The following DMBX1 variants were observed in gnomAD, a reference collection of about 807,000 sequenced individuals.
The protein encoded by DMBX1 is diencephalon/mesencephalon homeobox protein 1.
In DMBX1, 7 loss-of-function variants were observed where a neutral mutation model predicts 30.4. That is an observed-to-expected ratio of 0.23 (90% confidence interval 0.13 to 0.43). DMBX1 has a LOEUF of 0.43. Ranked by LOEUF, DMBX1 falls within the 20% of genes least tolerant of loss-of-function variation. The pLI is 1.00. For synonymous variants in DMBX1, 222 were observed against 214.2 expected (o/e 1.04, Z -0.32); for missense variants, 460 against 508.5 (o/e 0.90, Z 0.92).
chr1:46,497,925 G>A (rs1666054763), intron 2 of DMBX1, among the ~76,000 whole-genome samples: 1 of 152,238 alleles, frequency 6.6e-6, no homozygotes, highest in Non-Finnish European at 1.5e-5. Flanking sequence ...GGCTCGCCAG[G>A]AATTGCGGGG....
At chr1:46,508,096 A>T (rs1169551392) in intron 3 of DMBX1, among the ~76,000 whole-genome samples, 1 of 151,866 alleles carries the variant, frequency 6.6e-6, no homozygotes, top group Non-Finnish European at 1.5e-5. Flanking sequence ...ATGTCCTGGG[A>T]GGTGGTGCCA....
At chr1:46,495,461 G>C (rs1249940391) in intron 2 of DMBX1, among the ~76,000 whole-genome samples, 1 of 152,184 alleles carries the variant, frequency 6.6e-6, no homozygotes, top group Non-Finnish European at 1.5e-5. Flanking sequence ...TTACTTCTCT[G>C]GGTCTCAGCT....
At chr1:46,503,374 T>A (rs12067517) in intron 2 of DMBX1, among the ~76,000 whole-genome samples, 4,068 of 152,368 alleles carry the variant, frequency 0.027, 172 homozygotes, top group African/African-American at 0.092. Context: ...TTCATTGTTA[T>A]ACATCCCTCT....
At chr1:46,490,157 G>A (rs898722729) in intron 1 of DMBX1, among the ~76,000 whole-genome samples, 2 of 152,160 alleles carry the variant, frequency 1.3e-5, no homozygotes, top group Non-Finnish European at 2.9e-5. Context: ...GGCTGAAAAC[G>A]GTGGCAGAAA....
chr1:46,511,015 G>A lies in DMBX1; in HGVS notation c.414G>A (p.Glu138=), dbSNP rs758855440. ...LQKEQLQKQK[E]AEGSHGEGKA... ...AGGAACAGCTCCAGAAGCAGAAGGA[G>A]GCTGAGGGCTCCCATGGGGAAGGCA... The change falls in exon 5 of 6, where the codon GAG becomes GAA. Residue 138 remains glutamate, a synonymous_variant. Transcript: ENST00000360032. 6.2e-7 allele frequency: 1 copy of A among 1,614,116 alleles called. No homozygotes were observed.
chr1:46,490,422 G>C (rs1369065251), intron 1 of DMBX1, among the ~76,000 whole-genome samples: 2 of 152,240 alleles, frequency 1.3e-5, no homozygotes, highest in Non-Finnish European at 2.9e-5. Flanking sequence ...CAGTTTGGAA[G>C]GGGGCGGCGC....
In DMBX1 at chr1:46,512,537, C is replaced by G. The variant is rs1486443559; in HGVS notation, c.*43C>G. ...CAGCCAGGGGTCTTAGGTGTCCCCT[C>G]CTAGCCCTGTGGTTATCCCTAGGTG... On this transcript the variant is annotated 3_prime_UTR_variant, in exon 6 of 6. Transcript: ENST00000360032. This position sits in a 1 kb window ranked among gnomAD's most constrained non-coding sequence, Gnocchi z 4.8. 3 of 1,565,394 alleles carry G rather than the reference C, an allele frequency of 1.9e-6. No individual in the cohort carries two copies. Among genetic ancestry groups the G allele is most frequent in the Non-Finnish European group, 2.6e-6 (3 of 1,153,048 alleles).
Position 46,493,921 on chromosome 1 carries a change from G to A in DMBX1, c.-13+3138G>A, listed in dbSNP as rs533640741. On this transcript the variant is annotated intron_variant, in intron 2 of 5. Transcript: ENST00000360032. The surrounding 1 kb of genome is among the most constrained non-coding windows in gnomAD (Gnocchi z 4.1). ...TCTGTAGTCCCTGTTTCCCAGCCCC[G>A]GCCTGGATCTGGATGGCCAAAAGTG... Among the ~76,000 whole-genome samples, 4 of 152,346 alleles carry A rather than the reference G, an allele frequency of 2.6e-5. No homozygotes were observed. Among genetic ancestry groups the A allele is most frequent in the African/African-American group, 7.2e-5 (3 of 41,584 alleles).
Position 46,510,651 on chromosome 1 carries a change from G to T in DMBX1, c.330G>T (p.Val110=). Residue 110 remains valine, a synonymous_variant, in exon 4 of 6, where the codon GTG becomes GTT. Coordinates refer to ENST00000360032, the MANE Select transcript of DMBX1 (RefSeq NM_172225.2). The surrounding 1 kb of genome is among the most constrained non-coding windows in gnomAD (Gnocchi z 4.1). ...GCACCAACCTGCCTGAGGCCCGGGT[G>T]CAGGTAGGGCCCAACTCTCCTAACT... The part of the protein sequence containing the change: ...AMCTNLPEAR[V]QVWFKNRRAK... The T allele has an allele frequency of 6.2e-7, 1 of 1,613,354 alleles. No homozygotes were observed. The highest frequency in any genetic ancestry group is 8.5e-7 in the Non-Finnish European group (1 of 1,179,788).
intron 3 of DMBX1, among the ~76,000 whole-genome samples, chr1:46,507,782 C>T (rs12567374): frequency 0.025 from 3,767 of 152,226 alleles, 225 homozygotes; most frequent in East Asian, 0.23. Context: ...GAAATCAGCA[C>T]GGGCTTTCCC....
At chr1:46,509,592 A>G (rs1369594009) in intron 3 of DMBX1, among the ~76,000 whole-genome samples, 1 of 152,158 alleles carries the variant, frequency 6.6e-6, no homozygotes. Context: ...GATGGAGGCT[A>G]GACCTCGGCC....
chr1:46,511,637 G>A (rs1261079911), intron 5 of DMBX1, among the ~76,000 whole-genome samples: 1 of 152,112 alleles, frequency 6.6e-6, no homozygotes, highest in Non-Finnish European at 1.5e-5. Flanking sequence ...CAGAGACTCC[G>A]AGCACATTTC....
Position 46,491,790 on chromosome 1 carries a change from C to T in DMBX1, c.-13+1007C>T, listed in dbSNP as rs1466857882. Among the ~76,000 whole-genome samples, 1 of 152,052 alleles carries T rather than the reference C, an allele frequency of 6.6e-6. No individual in the cohort carries two copies. The highest frequency in any genetic ancestry group is 2.4e-5 in the African/African-American group (1 of 41,432). ...GTTTCACTTACCCACATCCCTGGTTCTCCCCTCGAATGGAAAGGCACTCTG... is the reference window on the plus strand; with the variant it reads ...GTTTCACTTACCCACATCCCTGGTTTTCCCCTCGAATGGAAAGGCACTCTG... On this transcript the variant is annotated intron_variant, in intron 2 of 5. Coordinates refer to ENST00000360032, the MANE Select transcript of DMBX1 (RefSeq NM_172225.2). This position sits in a 1 kb window ranked among gnomAD's most constrained non-coding sequence, Gnocchi z 5.5.
In DMBX1 at chr1:46,514,455, A is replaced by G; in HGVS notation, c.*1961A>G. On this transcript the variant is annotated 3_prime_UTR_variant, in exon 6 of 6. Coordinates refer to ENST00000360032, the MANE Select transcript of DMBX1 (RefSeq NM_172225.2). ...TTCTGTGGAGCAAGGGGTGTTGTAC[A>G]CACAAGCCTCACTGTAGACACTGCC... Among the ~76,000 whole-genome samples the G allele has an allele frequency of 6.6e-6, 1 of 152,236 alleles. No individual in the cohort carries two copies. Among genetic ancestry groups the G allele is most frequent in the East Asian group, 1.9e-4 (1 of 5,204 alleles).
At chr1:46,506,332 A>G (rs755936181) in intron 2 of DMBX1, among the ~76,000 whole-genome samples, 1 of 152,256 alleles carries the variant, frequency 6.6e-6, no homozygotes, top group Non-Finnish European at 1.5e-5. Flanking sequence ...TGCTGGGATT[A>G]CAGGCATGAG....
rs559528012 is a variant in DMBX1, at chr1:46,493,475, G to C, written c.-13+2692G>C. ...TGACTCTGCCCCAGTGTTGCCTGAT[G>C]GGTGGACATCCCAGATTGGACAGAC... On this transcript the variant is annotated intron_variant, in intron 2 of 5. Transcript: ENST00000360032. This position sits in a 1 kb window ranked among gnomAD's most constrained non-coding sequence, Gnocchi z 4.1. Among the ~76,000 whole-genome samples the C allele has an allele frequency of 6.6e-5, 10 of 152,350 alleles. No homozygotes were observed. In the East Asian group the frequency reaches 1.7e-3, roughly 26 times the overall value.
Position 46,510,359 on chromosome 1 carries a change from C to A in DMBX1, c.155-117C>A. ...ATTTCTAAGGGTAAGGGACCAGGGCCAGCTCTGGCAGCAGCCTGGGTGTCC... is the reference window on the plus strand; with the variant it reads ...ATTTCTAAGGGTAAGGGACCAGGGCAAGCTCTGGCAGCAGCCTGGGTGTCC... On this transcript the variant is annotated intron_variant, in intron 3 of 5. Transcript: ENST00000360032. This position sits in a 1 kb window ranked among gnomAD's most constrained non-coding sequence, Gnocchi z 4.1. 2 of 1,315,268 alleles carry A rather than the reference C, an allele frequency of 1.5e-6. No individual in the cohort carries two copies. Among genetic ancestry groups the A allele is most frequent in the Non-Finnish European group, 1.0e-6 (1 of 976,476 alleles). The allele number at this position is 1,315,268 out of a possible 1,614,324, so 81.5% of individuals were successfully genotyped here.
Position 46,511,582 on chromosome 1 carries a change from A to C in DMBX1, c.682+299A>C, listed in dbSNP as rs980281812. On this transcript the variant is annotated intron_variant, in intron 5 of 5. Transcript: ENST00000360032. The stretch of plus-strand genomic sequence containing the variant: ...AACAACCAGTTGGATGTCCCAGTGC[A>C]TACTGGGCGAATACTGTATTAGTAC... 7.9e-5 allele frequency among the ~76,000 whole-genome samples: 12 copies of C among 152,288 alleles called. No individual in the cohort carries two copies. In the East Asian group the frequency reaches 2.3e-3, roughly 29 times the overall value.
intron 2 of DMBX1, among the ~76,000 whole-genome samples, chr1:46,499,325 C>G (rs578079244): frequency 6.6e-6 from 1 of 152,208 alleles, no homozygotes; most frequent in Non-Finnish European, 1.5e-5. Context: ...GCGTAAGCCC[C>G]GCGCCCAGCA....
Sources: allele counts gnomAD v4.1 joint callset (sites outside exome capture counted in the v4.1 genomes callset), GRCh38; gene constraint gnomAD v4.1.1; non-coding constraint Gnocchi (gnomAD v3.1); transcripts MANE v1.5; gene names NCBI Gene and HGNC (gene_info 2026-07-23, HGNC 2026-07-21).